The following ACTR3C variants were observed in gnomAD, a reference collection of about 807,000 sequenced individuals.
ACTR3C encodes the protein actin-related protein 3C.
In ACTR3C, 18 loss-of-function variants were observed where a neutral mutation model predicts 26.3. The ratio of observed to expected loss-of-function variants is 0.68; its 90% CI spans 0.47 to 1.01. ACTR3C has a LOEUF of 1.01. Ranked by LOEUF, ACTR3C falls within the 50% of genes least tolerant of loss-of-function variation. The pLI, the probability that ACTR3C is intolerant of heterozygous loss-of-function variation, is 0.00. For missense variants in ACTR3C, 184 were observed against 250.7 expected (o/e 0.73, Z 1.80); for synonymous variants, 55 against 94.5 (o/e 0.58, Z 2.42).
the ACTR3C span, among the ~76,000 whole-genome samples, chr7:150,064,971 C>G: frequency 6.6e-6 from 1 of 152,046 alleles, no homozygotes; most frequent in East Asian, 1.9e-4. Flanking sequence ...AGCATTCAGT[C>G]TGTGCCTTGG....
the ACTR3C span, among the ~76,000 whole-genome samples, chr7:150,193,343 T>C: frequency 6.6e-6 from 1 of 151,960 alleles, no homozygotes; most frequent in Non-Finnish European, 1.5e-5. Context: ...GTTTATCAAT[T>C]TTATTGGTCT....
chr7:150,244,108 T>G (rs894639744), downstream of ACTR3C: 2 of 144,610 alleles, frequency 1.4e-5, no homozygotes, highest in Admixed American at 1.4e-4. Flanking sequence ...AGTCTTAGAA[T>G]ATTGAATATT....
chr7:150,157,442 C>T, the ACTR3C span, among the ~76,000 whole-genome samples: 1 of 150,964 alleles, frequency 6.6e-6, no homozygotes, highest in South Asian at 2.1e-4. Context: ...GAGGAATAAT[C>T]ACCCAACTGG....
chr7:150,308,486 T>C lies in ACTR3C; in HGVS notation c.-51-13139A>G, dbSNP rs1233729226. On this transcript the variant is annotated intron_variant, in intron 1 of 7. Transcript: ENST00000683684. ...GGCAAATGGTCTGAGGTGCCTTACG[T>C]CCAGGCATTTTTTATACTTCGTTCC... Among the ~76,000 whole-genome samples, 3 of 152,098 alleles carry C rather than the reference T, an allele frequency of 2.0e-5. No individual in the cohort carries two copies. In the East Asian group the frequency reaches 5.8e-4, roughly 29 times the overall value.
the ACTR3C span, among the ~76,000 whole-genome samples, chr7:149,947,035 G>A: frequency 1.3e-5 from 2 of 151,712 alleles, no homozygotes; most frequent in African/African-American, 2.4e-5. Context: ...GGGCGGTGGA[G>A]GGTACCACTG....
chr7:150,212,333 C>T, the ACTR3C span, among the ~76,000 whole-genome samples: 1 of 148,680 alleles, frequency 6.7e-6, no homozygotes, highest in South Asian at 2.1e-4. Context: ...CATTTACTGC[C>T]CTCTATTCCT....
chr7:150,147,002 G>C, the ACTR3C span, among the ~76,000 whole-genome samples: 1 of 152,138 alleles, frequency 6.6e-6, no homozygotes, highest in African/African-American at 2.4e-5. Flanking sequence ...GAAAAATGCG[G>C]TGTATCCTGC....
the ACTR3C span, among the ~76,000 whole-genome samples, chr7:150,062,851 A>G: frequency 6.6e-6 from 1 of 151,896 alleles, no homozygotes; most frequent in Non-Finnish European, 1.5e-5. Context: ...GCCCTCCATT[A>G]CCTCCTAGCA....
At chr7:149,895,428 A>G in the ACTR3C span, among the ~76,000 whole-genome samples, 1 of 152,176 alleles carries the variant, frequency 6.6e-6, no homozygotes, top group Non-Finnish European at 1.5e-5. Flanking sequence ...TATATGAGGT[A>G]ATGCATTTGT....
chr7:150,131,476 C>G, the ACTR3C span, among the ~76,000 whole-genome samples: 1 of 151,920 alleles, frequency 6.6e-6, no homozygotes, highest in Non-Finnish European at 1.5e-5. Context: ...GTCAAAATCA[C>G]CCTCCTCAGA....
At chr7:150,073,714 T>TTTCCA in the ACTR3C span, 1 of 150,594 alleles carries the variant, frequency 6.6e-6, no homozygotes, top group Non-Finnish European at 1.5e-5. Flanking sequence ...TTTATATTCA[T>TTTCCA]TTCCATTCAT....
chr7:150,081,032 C>T, the ACTR3C span, among the ~76,000 whole-genome samples: 1 of 152,190 alleles, frequency 6.6e-6, no homozygotes, highest in South Asian at 2.1e-4. Flanking sequence ...ATTTGAAAAG[C>T]AATACAACTG....
chr7:149,891,090 T>C, the ACTR3C span: 1 of 539,814 alleles, frequency 1.9e-6, no homozygotes, highest in African/African-American at 1.9e-5. Flanking sequence ...CACATATCTT[T>C]AGAAGAAATT....
the ACTR3C span, among the ~76,000 whole-genome samples, chr7:150,178,418 G>A: frequency 1.9e-4 from 28 of 150,044 alleles, 3 homozygotes; most frequent in African/African-American, 6.8e-4. Context: ...GACTAGCTGG[G>A]ATTACAGGCA....
the ACTR3C span, among the ~76,000 whole-genome samples, chr7:150,023,441 C>A: frequency 2.0e-5 from 3 of 150,682 alleles, no homozygotes; most frequent in Non-Finnish European, 2.9e-5. Flanking sequence ...TCAAGCAATT[C>A]TCCTGCCTCA....
the ACTR3C span, among the ~76,000 whole-genome samples, chr7:149,988,294 A>G: frequency 6.6e-6 from 1 of 152,308 alleles, no homozygotes; most frequent in Non-Finnish European, 1.5e-5. Flanking sequence ...CAGCTCACAC[A>G]TTTCTGGCAT....
intron 6 of ACTR3C, among the ~76,000 whole-genome samples, chr7:150,278,552 G>A (rs1447530312): frequency 2.0e-5 from 3 of 152,340 alleles, no homozygotes; most frequent in African/African-American, 2.4e-5. Flanking sequence ...GGGACCTGGC[G>A]CTCTGCAGGT....
the ACTR3C span, among the ~76,000 whole-genome samples, chr7:150,054,919 T>C: frequency 1.9e-4 from 29 of 152,354 alleles, no homozygotes; most frequent in Admixed American, 9.1e-4. Context: ...GCAAGACTGA[T>C]ACTACACATT....
chr7:149,901,823 A>G, the ACTR3C span, among the ~76,000 whole-genome samples: 7 of 147,236 alleles, frequency 4.8e-5, no homozygotes, highest in Non-Finnish European at 5.9e-5. Context: ...CTGAGGCAGA[A>G]TTGCTTGAAC....
Sources: allele counts gnomAD v4.1 joint callset (sites outside exome capture counted in the v4.1 genomes callset), GRCh38; gene constraint gnomAD v4.1.1; transcripts MANE v1.5; gene names NCBI Gene and HGNC (gene_info 2026-07-23, HGNC 2026-07-21).